The following FAM200B variants were observed in gnomAD, a reference collection of about 807,000 sequenced individuals.
The protein encoded by FAM200B is zinc finger BED-type containing 11.
A neutral mutation model predicts 33.1 loss-of-function variants in FAM200B; 32 were observed. The observed-to-expected ratio is 0.97, with a 90% confidence interval of 0.73 to 1.30. The LOEUF (loss-of-function observed/expected upper bound fraction) is 1.30, where lower values mean the gene tolerates loss of function less well. Among genes scored for constraint, FAM200B ranks in the 50% most tolerant of loss-of-function variants. FAM200B has a pLI of 0.00. For synonymous variants in FAM200B, 240 were observed against 264.8 expected, an observed-to-expected ratio of 0.91 and a Z score of 0.91; for missense variants, 741 against 754.0, an observed-to-expected ratio of 0.98 and a Z score of 0.20.
At chr4:15,657,070 C>T in the FAM200B span, among the ~76,000 whole-genome samples, 5 of 152,210 alleles carry the variant, frequency 3.3e-5, no homozygotes, top group Admixed American at 3.3e-4. Context: ...ATTAATTTCT[C>T]TCTTCCTCCT....
chr4:15,655,335 C>T, the FAM200B span: 1 of 1,318,674 alleles, frequency 7.6e-7, no homozygotes, highest in South Asian at 1.5e-5. Context: ...GCCGCCTCTC[C>T]ATAGACACCC....
At chr4:15,659,801 A>T in the FAM200B span, 2 of 895,952 alleles carry the variant, frequency 2.2e-6, no homozygotes, top group African/African-American at 3.6e-5. Context: ...AGGCTCTATT[A>T]TGGGCTGACT....
At chr4:15,657,093 C>G in the FAM200B span, among the ~76,000 whole-genome samples, 1 of 152,164 alleles carries the variant, frequency 6.6e-6, no homozygotes, top group Non-Finnish European at 1.5e-5. Context: ...TCCCTTTCAC[C>G]CCGTTTCTCG....
the FAM200B span, among the ~76,000 whole-genome samples, chr4:15,647,322 CTGTATTA>C: frequency 6.7e-6 from 1 of 150,230 alleles, no homozygotes; most frequent in South Asian, 2.1e-4. Context: ...AGCATTTTCA[CTGTATTA>C]TGTATTATAA....
chr4:15,648,487 C>T, the FAM200B span, among the ~76,000 whole-genome samples: 1 of 152,106 alleles, frequency 6.6e-6, no homozygotes, highest in Non-Finnish European at 1.5e-5. Flanking sequence ...AACCTGAGTG[C>T]TTGTCCACAA....
the FAM200B span, among the ~76,000 whole-genome samples, chr4:15,647,275 C>CAAT: frequency 1.6e-5 from 2 of 126,734 alleles, no homozygotes; most frequent in African/African-American, 5.9e-5. Context: ...TAAAAATAAA[C>CAAT]AACAACAACA....
the FAM200B span, among the ~76,000 whole-genome samples, chr4:15,671,445 G>C: frequency 6.6e-6 from 1 of 151,722 alleles, no homozygotes; most frequent in Non-Finnish European, 1.5e-5. Context: ...TCTGGTTTGG[G>C]TTTTTGTTTA....
chr4:15,638,284 C>T, the FAM200B span, among the ~76,000 whole-genome samples: 1 of 152,280 alleles, frequency 6.6e-6, no homozygotes, highest in Middle Eastern at 3.4e-3. Flanking sequence ...AGAAACACTA[C>T]ACTGAATATG....
chr4:15,679,572 A>AC, upstream of FAM200B, among the ~76,000 whole-genome samples: 1 of 151,484 alleles, frequency 6.6e-6, no homozygotes, highest in East Asian at 1.9e-4. Flanking sequence ...CAAAAAAAAA[A>AC]AAAAACAAAA....
chr4:15,642,975 C>A, the FAM200B span, among the ~76,000 whole-genome samples: 1 of 152,146 alleles, frequency 6.6e-6, no homozygotes, highest in Admixed American at 6.5e-5. Context: ...TTATTTCCTA[C>A]ATAATTCTCA....
chr4:15,646,616 T>C, the FAM200B span, among the ~76,000 whole-genome samples: 1 of 152,120 alleles, frequency 6.6e-6, no homozygotes, highest in African/African-American at 2.4e-5. Flanking sequence ...TACATATGTA[T>C]ACATGTGCCA....
At position 15,688,947 on chromosome 4, in the gene FAM200B, C is replaced by T. The variant is rs143099965; in HGVS notation, c.1970C>T (p.Ser657Leu). The T allele has an allele frequency of 3.9e-4, 563 of 1,442,544 alleles. 7 individuals carry two copies. In the East Asian group the frequency reaches 0.014, roughly 36 times the overall value. The allele number at this position is 1,442,544 out of a possible 1,614,324, so 89.4% of individuals were successfully genotyped here. A position where few individuals can be genotyped will look rare whatever the true frequency, so the allele number is the denominator to read the frequency against. The change falls in exon 2 of 2, where the codon TCA (serine) becomes TTA (leucine). Residue 657 changes from serine to leucine, a missense_variant. Coordinates refer to ENST00000422728, the MANE Select transcript of FAM200B (RefSeq NM_001145191.2). Reference sequence around the variant, plus strand: ...CTTATGAACAGGCAAGCACACCCATCATAGTAAATAAAAATCTTACCTAGC... The same window carrying T: ...CTTATGAACAGGCAAGCACACCCATTATAGTAAATAAAAATCTTACCTAGC... ...NELMNRQAHP[S>L]
At chr4:15,656,992 TCA>T in the FAM200B span, among the ~76,000 whole-genome samples, 2 of 149,998 alleles carry the variant, frequency 1.3e-5, no homozygotes, top group African/African-American at 2.4e-5. Context: ...GATGGCTTAT[TCA>T]CAGTCTGTCT....
At chr4:15,638,936 GGGTAGGTCACCTGA>G in the FAM200B span, among the ~76,000 whole-genome samples, 1 of 152,138 alleles carries the variant, frequency 6.6e-6, no homozygotes, top group Non-Finnish European at 1.5e-5. Flanking sequence ...AAGCCAAGGC[GGGTAGGTCACCTGA>G]GGTCGGGAGT....
chr4:15,655,218 G>A, the FAM200B span: 6 of 1,433,698 alleles, frequency 4.2e-6, no homozygotes, highest in Non-Finnish European at 5.6e-6. Context: ...TCGCAGTAGA[G>A]CCCCACCAGC....
the FAM200B span, chr4:15,640,717 A>G: frequency 3.9e-6 from 3 of 773,440 alleles, no homozygotes; most frequent in Non-Finnish European, 6.2e-6. Context: ...ATTATTTTGA[A>G]GAGTCTCTAA....
the FAM200B span, among the ~76,000 whole-genome samples, chr4:15,640,053 T>C: frequency 6.6e-6 from 1 of 152,220 alleles, no homozygotes; most frequent in African/African-American, 2.4e-5. Context: ...TTTGTTTATT[T>C]GTTTGGAGAC....
chr4:15,663,815 CCT>C, the FAM200B span, among the ~76,000 whole-genome samples: 3 of 152,174 alleles, frequency 2.0e-5, no homozygotes, highest in African/African-American at 7.2e-5. Flanking sequence ...CATTTTCTGT[CCT>C]CTGAGTTTGC....
chr4:15,654,683 A>T, the FAM200B span, among the ~76,000 whole-genome samples: 2 of 152,162 alleles, frequency 1.3e-5, no homozygotes, highest in Non-Finnish European at 2.9e-5. Flanking sequence ...TAGCTGGGAG[A>T]CGCTGCAGTT....
Sources: allele counts gnomAD v4.1 joint callset (sites outside exome capture counted in the v4.1 genomes callset), GRCh38; gene constraint gnomAD v4.1.1; transcripts MANE v1.5; gene names NCBI Gene and HGNC (gene_info 2026-07-23, HGNC 2026-07-21).